The following SNX1 variants were observed in gnomAD, a reference collection of about 807,000 sequenced individuals.
SNX1 encodes sorting nexin 1, also known as sorting nexin-1.
Under a neutral mutation model 71.8 loss-of-function variants are expected in SNX1, and 36 were observed. The ratio of observed to expected loss-of-function variants is 0.50; its 90% confidence interval spans 0.38 to 0.66. SNX1 has a LOEUF of 0.66. Ranked by LOEUF, SNX1 falls within the 30% of genes least tolerant of loss-of-function variation. The pLI is 0.00. For synonymous variants in SNX1, 254 were observed against 240.7 expected, an observed-to-expected ratio of 1.06 and a Z score of -0.51; for missense variants, 612 against 646.7, an observed-to-expected ratio of 0.95 and a Z score of 0.58.
chr15:64,107,030 T>G (rs2081029659), intron 1 of SNX1, among the ~76,000 whole-genome samples: 1 of 152,208 alleles, frequency 6.6e-6, no homozygotes, highest in Admixed American at 6.5e-5. Context: ...CATGCTAAGT[T>G]CTTCCAGGGT....
intron 12 of SNX1, among the ~76,000 whole-genome samples, chr15:64,135,954 C>G (rs947829929): frequency 6.6e-6 from 1 of 152,002 alleles, no homozygotes; most frequent in African/African-American, 2.4e-5. Context: ...GGGGTCCTGG[C>G]TGGGTCTTTG....
At chr15:64,114,653 A>T (rs1359370739) in intron 2 of SNX1, among the ~76,000 whole-genome samples, 2 of 152,322 alleles carry the variant, frequency 1.3e-5, no homozygotes, top group East Asian at 3.9e-4. Context: ...AATGGTGAGG[A>T]GGGAGAAAGA....
chr15:64,130,460 A>G, intron 10 of SNX1, 139 bp downstream of exon 10: 1 of 663,700 alleles, frequency 1.5e-6, no homozygotes. Context: ...ATGTTCTGAT[A>G]AAAAAAAGGT....
At chr15:64,131,930 T>C in intron 11 of SNX1, 38 bp downstream of exon 11, 1 of 1,602,850 alleles carries the variant, frequency 6.2e-7, no homozygotes, top group African/African-American at 1.3e-5. Context: ...TTCCCTTGAT[T>C]TGATTTGTTT....
At position 64,138,752 on chromosome 15, in the gene SNX1, C is replaced by T. The variant is rs1437277682; in HGVS notation, c.*1134C>T. 1 of 152,794 alleles carries T rather than the reference C, an allele frequency of 6.5e-6. No individual in the cohort carries two copies. The highest frequency in any genetic ancestry group is 1.5e-5 in the Non-Finnish European group (1 of 68,524). The allele number at this position is 152,794 out of a possible 1,614,324, so 9.5% of individuals were successfully genotyped here. The stretch of plus-strand genomic sequence containing the variant: ...AGTCTCGTCAGTCAAGGATGGGCTT[C>T]CCCCTTAGCTGTGTCCACAGCTGCT... On this transcript the variant is annotated 3_prime_UTR_variant, in exon 15 of 15. Transcript: ENST00000559844.
intron 1 of SNX1, among the ~76,000 whole-genome samples, chr15:64,101,508 G>A (rs1033471836): frequency 3.9e-5 from 6 of 152,220 alleles, no homozygotes; most frequent in South Asian, 4.1e-4. Context: ...TTATCTGCCA[G>A]TGGACATTTG....
intron 5 of SNX1, among the ~76,000 whole-genome samples, chr15:64,125,790 T>A (rs994305027): frequency 6.6e-6 from 1 of 151,876 alleles, no homozygotes; most frequent in Non-Finnish European, 1.5e-5. Flanking sequence ...TTCTCAAGGG[T>A]CACCATGGCT....
intron 2 of SNX1, 45 bp downstream of exon 2, chr15:64,112,729 TTTG>T (rs2081089959): frequency 1.6e-6 from 2 of 1,254,218 alleles, no homozygotes; most frequent in Non-Finnish European, 2.3e-6. Flanking sequence ...CCTAAATGGC[TTTG>T]TTAAGTTGCT....
chr15:64,131,794 G>A lies in SNX1; in HGVS notation c.1123G>A (p.Glu375Lys). 1.2e-6 allele frequency: 2 copies of A among 1,614,204 alleles called. No individual in the cohort carries two copies. The highest frequency in any genetic ancestry group is 1.7e-6 in the Non-Finnish European group (2 of 1,180,028). The change falls in exon 11 of 15, where the codon GAA becomes AAA. Residue 375 changes from glutamate to lysine, a missense_variant. By Grantham distance (56) the Glu-to-Lys change is moderately conservative (BLOSUM62 1). This residue lies in a region of SNX1 where 296 missense variants were observed against 361.9 expected (regional missense o/e 0.82). Coordinates refer to ENST00000559844, the MANE Select transcript of SNX1 (RefSeq NM_003099.5). ...ACTCTCCCAGCTGGCTGAGGTGGAA[G>A]AAAAAATTGAGCAGCTCCACCAGGA... ...RALSQLAEVE[E>K]KIEQLHQEQA... is the part of the protein sequence containing the mutation.
chr15:64,113,995 A>G (rs901184405), intron 2 of SNX1, among the ~76,000 whole-genome samples: 1 of 152,190 alleles, frequency 6.6e-6, no homozygotes, highest in Non-Finnish European at 1.5e-5. Flanking sequence ...ATTCTTGGAG[A>G]AGTCATGGAA....
intron 6 of SNX1, 41 bp from the exon 7 acceptor site, chr15:64,127,133 T>G: frequency 3.4e-6 from 5 of 1,452,776 alleles, no homozygotes; most frequent in South Asian, 1.2e-5. Flanking sequence ...ATCCTCTTCA[T>G]GATGATTTAT....
intron 3 of SNX1, among the ~76,000 whole-genome samples, chr15:64,118,550 C>A (rs1483458552): frequency 3.3e-5 from 5 of 152,156 alleles, no homozygotes; most frequent in Non-Finnish European, 7.3e-5. Context: ...CTAAATCTGG[C>A]AGTTATTCAT....
chr15:64,108,814 G>A (rs954342393), intron 1 of SNX1, among the ~76,000 whole-genome samples: 1 of 150,512 alleles, frequency 6.6e-6, no homozygotes, highest in Non-Finnish European at 1.5e-5. Context: ...ATGATGAAAC[G>A]CCGTCTCCAC....
intron 4 of SNX1, among the ~76,000 whole-genome samples, chr15:64,119,768 TCTC>T (rs2081175713): frequency 6.6e-6 from 1 of 151,268 alleles, no homozygotes; most frequent in South Asian, 2.1e-4. Flanking sequence ...AACATTATCT[TCTC>T]CTTCAGAGTT....
At chr15:64,132,282 G>T in intron 11 of SNX1, 1 of 226,650 alleles carries the variant, frequency 4.4e-6, no homozygotes, top group South Asian at 6.2e-5. Context: ...CTCCTTAACA[G>T]TAACTGGTGG....
At position 64,139,790 on chromosome 15, in the gene SNX1, G is replaced by C. The variant is rs1352606860; in HGVS notation, c.*2172G>C. 2 of 152,070 alleles carry C rather than the reference G, an allele frequency of 1.3e-5. No homozygotes were observed. Among genetic ancestry groups the C allele is most frequent in the Non-Finnish European group, 2.9e-5 (2 of 68,032 alleles). The allele number at this position is 152,070 out of a possible 1,614,324, so 9.4% of individuals were successfully genotyped here. A position where few individuals can be genotyped will look rare whatever the true frequency, so the allele number is the denominator to read the frequency against. ...GCAGGATCATGTTACATTTGTAAAC[G>C]TGTGTCTCTCAATACTGCAGATTCC... On this transcript the variant is annotated 3_prime_UTR_variant, in exon 15 of 15. Transcript: ENST00000559844.
chr15:64,121,347 C>T (rs551040328), intron 4 of SNX1, among the ~76,000 whole-genome samples: 2 of 152,332 alleles, frequency 1.3e-5, no homozygotes, highest in Admixed American at 1.3e-4. Context: ...TAGGGAAGGA[C>T]TGTTCATGCC....
At position 64,134,610 on chromosome 15, in the gene SNX1, C is replaced by G; in HGVS notation, c.1222-54C>G. The G allele has an allele frequency of 1.3e-6, 2 of 1,564,036 alleles. No homozygotes were observed. The highest frequency in any genetic ancestry group is 8.7e-7 in the Non-Finnish European group (1 of 1,152,498). On this transcript the variant is annotated intron_variant, in intron 11 of 14. Transcript: ENST00000559844. The surrounding 1 kb of genome is among the most constrained non-coding windows in gnomAD (Gnocchi z 4.1). ...TGGGAGAGCCTGCCTCGAGGCAGAG[C>G]CAGCAGAGCTCTTGAAGAGCTGGTT...
chr15:64,123,616 G>C (rs1303306460), intron 5 of SNX1, 70 bp downstream of exon 5: 4 of 1,258,304 alleles, frequency 3.2e-6, no homozygotes, highest in Non-Finnish European at 4.7e-6. Context: ...TCATCATTCA[G>C]ATTATTTCTG....
Sources: gnomAD v4.1 joint callset for allele counts (sites outside exome capture counted in the v4.1 genomes callset) on GRCh38, gnomAD v4.1.1 for gene constraint, gnomAD v4.1.1 regional missense constraint, Gnocchi (gnomAD v3.1) non-coding constraint, MANE v1.5 for transcripts, NCBI Gene and HGNC (gene_info 2026-07-23, HGNC 2026-07-21) for gene names.